The following CALN1 variants were observed in gnomAD, a reference collection of about 807,000 sequenced individuals.
CALN1 encodes calcium-binding protein 8.
A neutral mutation model predicts 30.6 loss-of-function variants in CALN1; 17 were observed. The observed-to-expected ratio is 0.56, with a 90% CI of 0.38 to 0.83. The LOEUF is 0.83. Among genes scored for constraint, CALN1 ranks in the 40% least tolerant of loss-of-function variants. The probability of loss-of-function intolerance (pLI) is 0.00; values close to 1 mark genes in which losing one functional copy is unlikely to be tolerated. For synonymous variants in CALN1, 156 were observed against 131.4 expected, an observed-to-expected ratio of 1.19 and a Z score of -1.28; for missense variants, 291 against 354.9, an observed-to-expected ratio of 0.82 and a Z score of 1.45.
At chr7:72,472,643 G>A in the CALN1 span, among the ~76,000 whole-genome samples, 12 of 152,134 alleles carry the variant, frequency 7.9e-5, no homozygotes, top group African/African-American at 1.9e-4. Flanking sequence ...TTAGCTGGGC[G>A]TGGTGGCGGG....
intron 3 of CALN1, among the ~76,000 whole-genome samples, chr7:72,107,897 T>C (rs1310247857): frequency 1.3e-5 from 2 of 152,212 alleles, no homozygotes; most frequent in Admixed American, 6.5e-5. Flanking sequence ...AAACCTTCTA[T>C]CACTCTTCAA....
chr7:72,149,962 G>GAA lies in CALN1; in HGVS notation c.245-43670_245-43669dup, dbSNP rs530466921. On this transcript the variant is annotated intron_variant, in intron 3 of 6. Transcript: ENST00000395275. ...AATTCTTGTCTCTACTAAAAATACA[G>GAA]AAAAAAAAAAATTAGCCAGGCATGG... Among the ~76,000 whole-genome samples, 971 of 144,932 alleles carry GAA rather than the reference G, an allele frequency of 6.7e-3. 8 individuals are homozygous for GAA. Among genetic ancestry groups the GAA allele is most frequent in the African/African-American group, 0.023 (905 of 39,894 alleles).
the CALN1 span, among the ~76,000 whole-genome samples, chr7:72,497,372 G>T: frequency 6.6e-6 from 1 of 152,052 alleles, no homozygotes; most frequent in African/African-American, 2.4e-5. Context: ...CCTGGGAGGC[G>T]GAGGTTGCAG....
At chr7:72,405,638 T>C (rs563955990) in intron 1 of CALN1, among the ~76,000 whole-genome samples, 97 of 152,108 alleles carry the variant, frequency 6.4e-4, no homozygotes, top group African/African-American at 2.1e-3. Flanking sequence ...ACGCGGCACA[T>C]GCCGAAACTC....
chr7:72,205,551 A>AAATATATACATATATACATATAT, intron 3 of CALN1, among the ~76,000 whole-genome samples: 1 of 83,052 alleles, frequency 1.2e-5, no homozygotes, highest in Middle Eastern at 4.7e-3. Context: ...GCAAAAAAAA[A>AAATATATACATATATACATATAT]ATATATATAT....
intron 2 of CALN1, among the ~76,000 whole-genome samples, chr7:72,291,129 G>A (rs1404909368): frequency 6.6e-6 from 1 of 152,002 alleles, no homozygotes; most frequent in Non-Finnish European, 1.5e-5. Context: ...TCACCATGTT[G>A]GCCAGGCTGG....
intron 3 of CALN1, among the ~76,000 whole-genome samples, chr7:72,271,042 A>C (rs1463125108): frequency 6.6e-6 from 1 of 152,234 alleles, no homozygotes; most frequent in Non-Finnish European, 1.5e-5. Flanking sequence ...GTAAGGACCA[A>C]GAGATAACAA....
At position 72,112,041 on chromosome 7, in the gene CALN1, G is replaced by A. The variant is rs114549986; in HGVS notation, c.245-5747C>T. ...GCTAGGATAACAGGCATGAGCCACC[G>A]TGCCAGGCTCTCTTTTTTCTTAAAA... is the stretch of plus-strand genomic sequence containing the variant. On this transcript the variant is annotated intron_variant, in intron 3 of 6. Coordinates refer to ENST00000395275, the MANE Select transcript of CALN1 (RefSeq NM_031468.4). Among the ~76,000 whole-genome samples the A allele has an allele frequency of 4.8e-3, 733 of 152,164 alleles. 6 individuals are homozygous for A. Among genetic ancestry groups the A allele is most frequent in the African/African-American group, 0.016 (675 of 41,496 alleles).
upstream of CALN1, among the ~76,000 whole-genome samples, chr7:72,414,247 G>A (rs1048300322): frequency 6.6e-6 from 1 of 152,110 alleles, no homozygotes; most frequent in African/African-American, 2.4e-5. Context: ...CGAATCCTTC[G>A]TTCTGTGCAC....
intron 4 of CALN1, among the ~76,000 whole-genome samples, chr7:72,055,601 T>C (rs1231561421): frequency 6.6e-6 from 1 of 152,118 alleles, no homozygotes; most frequent in Admixed American, 6.6e-5. Context: ...ACAAAAACTA[T>C]GTAGCAACAA....
At chr7:72,091,766 C>T (rs1805880061) in intron 4 of CALN1, among the ~76,000 whole-genome samples, 1 of 152,154 alleles carries the variant, frequency 6.6e-6, no homozygotes, top group Admixed American at 6.6e-5. Flanking sequence ...CTCAACTCCA[C>T]CAAATTATTG....
the CALN1 span, among the ~76,000 whole-genome samples, chr7:72,494,007 T>C: frequency 2.0e-5 from 3 of 151,826 alleles, no homozygotes; most frequent in African/African-American, 7.3e-5. Context: ...CTGGGCAACA[T>C]AGAGAGACCT....
At chr7:71,816,037 A>T (rs199639307) in intron 5 of CALN1, among the ~76,000 whole-genome samples, 9 of 144,932 alleles carry the variant, frequency 6.2e-5, no homozygotes, top group African/African-American at 2.1e-4. Context: ...TTTTTTTTTT[A>T]ATTTTTTTTT....
At chr7:71,973,182 T>C (rs552278134) in intron 5 of CALN1, among the ~76,000 whole-genome samples, 487 of 152,078 alleles carry the variant, frequency 3.2e-3, no homozygotes, top group African/African-American at 0.011. Flanking sequence ...GTTTTTTTTT[T>C]CCCTTTTTTT....
chr7:72,061,738 CT>C (rs1218198615), intron 4 of CALN1, among the ~76,000 whole-genome samples: 4 of 137,376 alleles, frequency 2.9e-5, no homozygotes, highest in African/African-American at 8.2e-5. Flanking sequence ...TAGCCAAAAA[CT>C]TTCTAAATTT....
At chr7:72,234,712 G>A (rs1585229781) in intron 3 of CALN1, among the ~76,000 whole-genome samples, 1 of 152,016 alleles carries the variant, frequency 6.6e-6, no homozygotes, top group Non-Finnish European at 1.5e-5. Flanking sequence ...TCCTAAAGTG[G>A]TGGGACTACA....
At chr7:72,011,270 G>T (rs1305613271) in intron 5 of CALN1, among the ~76,000 whole-genome samples, 1 of 152,064 alleles carries the variant, frequency 6.6e-6, no homozygotes, top group African/African-American at 2.4e-5. Context: ...ACCTCCACAA[G>T]ACAGTATAGG....
At chr7:72,383,433 G>C (rs1431260089) in intron 2 of CALN1, among the ~76,000 whole-genome samples, 1 of 151,992 alleles carries the variant, frequency 6.6e-6, no homozygotes, top group Non-Finnish European at 1.5e-5. Context: ...GTTATTTTTT[G>C]ACTTTTTAAC....
chr7:72,021,470 C>T (rs1800704916), intron 5 of CALN1, among the ~76,000 whole-genome samples: 1 of 152,076 alleles, frequency 6.6e-6, no homozygotes, highest in East Asian at 1.9e-4. Flanking sequence ...TTCTTATTTC[C>T]ACCAGGGGAC....
Sources: allele counts gnomAD v4.1 joint callset (sites outside exome capture counted in the v4.1 genomes callset), GRCh38; gene constraint gnomAD v4.1.1; transcripts MANE v1.5; gene names NCBI Gene and HGNC (gene_info 2026-07-23, HGNC 2026-07-21).